The following FRAS1 variants were observed in gnomAD, a reference collection of about 807,000 sequenced individuals.
The protein encoded by FRAS1 is Fraser extracellular matrix complex subunit 1.
A neutral mutation model predicts 435.2 loss-of-function variants in FRAS1; 290 were observed. The ratio of observed to expected loss-of-function variants is 0.67; its 90% CI spans 0.61 to 0.73. The LOEUF (loss-of-function observed/expected upper bound fraction) is 0.73, where lower values mean the gene tolerates loss of function less well. Ranked by LOEUF, FRAS1 falls within the 30% of genes least tolerant of loss-of-function variation. FRAS1 has a pLI of 0.00. For synonymous variants in FRAS1, 1,800 were observed against 1,851.0 expected (o/e 0.97, Z 0.71); for missense variants, 4,860 against 5,001.5 (o/e 0.97, Z 0.85).
At chr4:78,115,764 T>A (rs1056744026) in intron 2 of FRAS1, among the ~76,000 whole-genome samples, 1 of 152,168 alleles carries the variant, frequency 6.6e-6, no homozygotes, top group African/African-American at 2.4e-5. Flanking sequence ...ATTTTGTTGA[T>A]CTTTTCAAAA....
chr4:78,245,251 G>T lies in FRAS1; in HGVS notation c.235G>T (p.Ala79Ser), dbSNP rs927203381. Residue 79 changes from alanine (A) to serine (S), a missense_variant, in exon 4 of 74, where the codon GCT becomes TCT. Physicochemically the swap from Ala to Ser is moderately conservative, Grantham distance 99. Coordinates refer to ENST00000512123, the MANE Select transcript of FRAS1 (RefSeq NM_025074.7). Reference protein sequence around the residue: ...AFEKGEVLQIAANQCCPECVL... With the variant: ...AFEKGEVLQISANQCCPECVL... ...TGCTCAGGGAGAAGTGCTTCAAATA[G>T]CTGCCAACCAATGCTGTCCTGAGTG... The T allele has an allele frequency of 6.2e-7, 1 of 1,607,656 alleles. No homozygotes were observed. Among genetic ancestry groups the T allele is most frequent in the South Asian group, 1.1e-5 (1 of 89,384 alleles).
At chr4:78,412,535 A>G (rs1390141337) in intron 31 of FRAS1, among the ~76,000 whole-genome samples, 3 of 152,236 alleles carry the variant, frequency 2.0e-5, no homozygotes, top group South Asian at 4.1e-4. Flanking sequence ...AAATCATATT[A>G]CATACTCATA....
At chr4:78,194,057 C>A (rs966810135) in intron 2 of FRAS1, among the ~76,000 whole-genome samples, 1 of 152,168 alleles carries the variant, frequency 6.6e-6, no homozygotes, top group African/African-American at 2.4e-5. Flanking sequence ...ATATGAAATT[C>A]TGGGTTGGAA....
chr4:78,303,972 G>A (rs1213175284), intron 14 of FRAS1, among the ~76,000 whole-genome samples: 3 of 151,762 alleles, frequency 2.0e-5, no homozygotes, highest in Non-Finnish European at 2.9e-5. Flanking sequence ...TGCACATTCA[G>A]TATGATATTG....
chr4:78,299,585 A>C (rs956329731), intron 14 of FRAS1, among the ~76,000 whole-genome samples: 4 of 152,190 alleles, frequency 2.6e-5, no homozygotes, highest in African/African-American at 9.6e-5. Context: ...TTAATTTCTT[A>C]TCTCCTCTAT....
intron 29 of FRAS1, among the ~76,000 whole-genome samples, chr4:78,397,291 G>T (rs1221888962): frequency 6.6e-6 from 1 of 152,138 alleles, no homozygotes; most frequent in Non-Finnish European, 1.5e-5. Flanking sequence ...CCCCTTCAGG[G>T]GCAGTCTTAT....
intron 20 of FRAS1, among the ~76,000 whole-genome samples, chr4:78,344,133 T>C (rs1462189276): frequency 6.6e-6 from 1 of 151,578 alleles, no homozygotes. Flanking sequence ...CAGCTTCTGC[T>C]TGGCATCTCC....
chr4:78,117,250 T>C (rs1718649694), intron 2 of FRAS1, among the ~76,000 whole-genome samples: 1 of 152,228 alleles, frequency 6.6e-6, no homozygotes, highest in African/African-American at 2.4e-5. Context: ...CCTTTCTCTC[T>C]GGCTGCCCTT....
intron 2 of FRAS1, chr4:78,071,153 G>A (rs1295756574): frequency 6.6e-6 from 1 of 152,222 alleles, no homozygotes; most frequent in African/African-American, 2.4e-5. Context: ...ATTTAAAAAT[G>A]TGGAATGTTG....
intron 2 of FRAS1, among the ~76,000 whole-genome samples, chr4:78,170,791 A>G (rs1343999392): frequency 1.3e-5 from 2 of 152,054 alleles, no homozygotes; most frequent in Admixed American, 6.6e-5. Flanking sequence ...TATTCTTTAT[A>G]TGCCATCTGA....
chr4:78,265,202 T>A, intron 7 of FRAS1, 94 bp downstream of exon 7: 1 of 686,158 alleles, frequency 1.5e-6, no homozygotes. Flanking sequence ...ACCACCCTCA[T>A]GTCTGACTCT....
intron 47 of FRAS1, among the ~76,000 whole-genome samples, chr4:78,455,384 G>T (rs1719157499): frequency 6.6e-6 from 1 of 151,864 alleles, no homozygotes; most frequent in Admixed American, 6.6e-5. Context: ...TTGTCTCAAT[G>T]GGTGAGGATG....
intron 1 of FRAS1, among the ~76,000 whole-genome samples, chr4:78,063,017 T>A (rs1268461164): frequency 1.3e-5 from 2 of 152,180 alleles, no homozygotes; most frequent in African/African-American, 4.8e-5. Flanking sequence ...TTCTTCTAGA[T>A]CAGCACTCTC....
intron 2 of FRAS1, among the ~76,000 whole-genome samples, chr4:78,146,689 C>T (rs1472085146): frequency 6.6e-6 from 1 of 151,976 alleles, no homozygotes; most frequent in Non-Finnish European, 1.5e-5. Flanking sequence ...ATCATTTCCT[C>T]TAAAAATATT....
intron 9 of FRAS1, among the ~76,000 whole-genome samples, chr4:78,276,551 C>T (rs1204257205): frequency 1.3e-5 from 2 of 152,220 alleles, no homozygotes; most frequent in Non-Finnish European, 2.9e-5. Context: ...CCTTCAGCTG[C>T]AGGTCTGTTG....
At chr4:78,396,602 C>A (rs1732677982) in intron 29 of FRAS1, among the ~76,000 whole-genome samples, 1 of 152,176 alleles carries the variant, frequency 6.6e-6, no homozygotes, top group Non-Finnish European at 1.5e-5. Flanking sequence ...CCACTGATAG[C>A]TTTTTGCCCT....
At position 78,116,116 on chromosome 4, in the gene FRAS1, C is replaced by T. The variant is rs190577413; in HGVS notation, c.108+50100C>T. On this transcript the variant is annotated intron_variant, in intron 2 of 73. Transcript: ENST00000512123. ...AGTAGTCATTCAGGAGCAGGTTATT[C>T]ATTTTCCATGTAGTTGAGCAGTTTT... Among the ~76,000 whole-genome samples the T allele has an allele frequency of 3.9e-5, 6 of 152,306 alleles. No homozygotes were observed. In the East Asian group the frequency reaches 1.2e-3, roughly 29 times the overall value.
chr4:78,378,771 A>G (rs996583454), intron 26 of FRAS1, among the ~76,000 whole-genome samples: 1 of 152,084 alleles, frequency 6.6e-6, no homozygotes, highest in African/African-American at 2.4e-5. Context: ...TTCTTGACAC[A>G]AGTCCCTTTG....
chr4:78,122,335 T>C (rs4345212), intron 2 of FRAS1, among the ~76,000 whole-genome samples: 42,566 of 152,082 alleles, frequency 0.28, 6,282 homozygotes, highest in African/African-American at 0.35. Context: ...CATAGTATTC[T>C]ATGGTGTATA....
Sources: gnomAD v4.1 joint callset for allele counts (sites outside exome capture counted in the v4.1 genomes callset) on GRCh38, gnomAD v4.1.1 for gene constraint, MANE v1.5 for transcripts, NCBI Gene and HGNC (gene_info 2026-07-23, HGNC 2026-07-21) for gene names.